Variants in MCTP1 observed in about 807,000 individuals in gnomAD.
The protein encoded by MCTP1 is multiple C2 and transmembrane domain-containing protein 1.
MCTP1 carries 69 observed loss-of-function variants against 120.6 expected under a neutral mutation model. The ratio of observed to expected loss-of-function variants is 0.57; its 90% CI spans 0.47 to 0.70. The LOEUF is 0.70. MCTP1 is among the 30% of genes least tolerant of loss of function. MCTP1 has a pLI of 0.00. For synonymous variants in MCTP1, 529 were observed against 493.1 expected (o/e 1.07, Z -0.96); for missense variants, 1,203 against 1,248.8 (o/e 0.96, Z 0.55).
At chr5:95,086,348 G>A (rs1368773064) in intron 1 of MCTP1, among the ~76,000 whole-genome samples, 1 of 152,134 alleles carries the variant, frequency 6.6e-6, no homozygotes, top group Non-Finnish European at 1.5e-5. Context: ...CTTGGAGGCA[G>A]ACTGATGATG....
intron 1 of MCTP1, among the ~76,000 whole-genome samples, chr5:95,240,165 T>C (rs532114425): frequency 1.3e-5 from 2 of 152,222 alleles, no homozygotes; most frequent in Non-Finnish European, 2.9e-5. Context: ...AATCAGTATC[T>C]CTTAATGTTT....
chr5:95,064,044 G>A (rs1329090820), intron 1 of MCTP1, among the ~76,000 whole-genome samples: 1 of 152,202 alleles, frequency 6.6e-6, no homozygotes, highest in Non-Finnish European at 1.5e-5. Flanking sequence ...ACCTGCTTTA[G>A]CACTAAATGC....
chr5:94,837,125 C>T (rs1019246675), intron 17 of MCTP1, among the ~76,000 whole-genome samples: 11 of 152,256 alleles, frequency 7.2e-5, no homozygotes, highest in African/African-American at 2.6e-4. Context: ...CACCTGTAAT[C>T]CCAGCACTTT....
intron 19 of MCTP1, among the ~76,000 whole-genome samples, chr5:94,734,620 C>T (rs1052513783): frequency 2.0e-5 from 3 of 152,050 alleles, no homozygotes; most frequent in East Asian, 3.9e-4. Flanking sequence ...CTACACCTGG[C>T]GAATTTTTGT....
At chr5:95,003,395 T>C (rs1429815974) in intron 2 of MCTP1, among the ~76,000 whole-genome samples, 2 of 152,352 alleles carry the variant, frequency 1.3e-5, no homozygotes, top group African/African-American at 2.4e-5. Context: ...GGCTATAGCA[T>C]ATAGCTTTGG....
intron 19 of MCTP1, among the ~76,000 whole-genome samples, chr5:94,773,133 C>G (rs553802098): frequency 1.3e-5 from 2 of 152,266 alleles, no homozygotes; most frequent in East Asian, 1.9e-4. Flanking sequence ...GATTTTTAAT[C>G]TTATTATTTG....
chr5:95,233,933 GA>G (rs1755247376), intron 1 of MCTP1, among the ~76,000 whole-genome samples: 1 of 151,430 alleles, frequency 6.6e-6, no homozygotes, highest in African/African-American at 2.4e-5. Flanking sequence ...AAACAGTGGG[GA>G]AAGTCAATGA....
rs1033740731 is a variant in MCTP1 at position 95,071,536 on chromosome 5, C to T, written c.721-54052G>A. On this transcript the variant is annotated intron_variant, in intron 1 of 22. Coordinates refer to ENST00000515393, the MANE Select transcript of MCTP1 (RefSeq NM_024717.7). ...TATAATATTCTACTTTTACTGATGTCCCTCAGTATAGCTTATAATTTGATA... is the reference window on the plus strand; with the variant it reads ...TATAATATTCTACTTTTACTGATGTTCCTCAGTATAGCTTATAATTTGATA... Among the ~76,000 whole-genome samples, 80 of 152,088 alleles carry T rather than the reference C, an allele frequency of 5.3e-4. 1 individual carries two copies. Among genetic ancestry groups the T allele is most frequent in the Admixed American group, 5.2e-3 (80 of 15,282 alleles).
chr5:94,901,314 C>T (rs1011111139), intron 10 of MCTP1, among the ~76,000 whole-genome samples: 2 of 152,106 alleles, frequency 1.3e-5, no homozygotes, highest in African/African-American at 4.8e-5. Flanking sequence ...AAAGACCCAC[C>T]CCATGATTCA....
intron 21 of MCTP1, 157 bp from the exon 22 acceptor site, chr5:94,708,766 C>G (rs1755639658): frequency 3.6e-6 from 2 of 553,904 alleles, no homozygotes; most frequent in Non-Finnish European, 6.5e-6. Flanking sequence ...CTTTCCAGCT[C>G]AACTGCTTTT....
chr5:94,773,218 T>C (rs17331955), intron 19 of MCTP1, among the ~76,000 whole-genome samples: 10,025 of 152,158 alleles, frequency 0.066, 417 homozygotes, highest in Non-Finnish European at 0.097. Context: ...CAGATCAGAA[T>C]AGATAATAAG....
chr5:94,715,496 C>T (rs148973782), intron 19 of MCTP1, among the ~76,000 whole-genome samples: 226 of 151,446 alleles, frequency 1.5e-3, no homozygotes, highest in Admixed American at 3.5e-3. Flanking sequence ...ATATTTTATA[C>T]GGTAGTATAT....
intron 1 of MCTP1, among the ~76,000 whole-genome samples, chr5:95,253,949 T>C (rs1757627881): frequency 6.6e-6 from 1 of 152,138 alleles, no homozygotes; most frequent in Admixed American, 6.6e-5. Context: ...AACTTTTTAT[T>C]CAGCCAGCAA....
At chr5:94,924,126 A>G (rs1227194513) in intron 6 of MCTP1, 105 bp from the exon 7 acceptor site, 1 of 610,848 alleles carries the variant, frequency 1.6e-6, no homozygotes, top group Admixed American at 3.8e-5. Context: ...ATCGAAAATT[A>G]TATATCCTAA....
At chr5:95,081,426 CT>C (rs1754907067) in intron 1 of MCTP1, 2 of 1,611,038 alleles carry the variant, frequency 1.2e-6, no homozygotes, top group Admixed American at 1.7e-5. Context: ...TGTTACTTAC[CT>C]TATTACAAAT....
intron 5 of MCTP1, among the ~76,000 whole-genome samples, chr5:94,938,897 T>C (rs1450931970): frequency 1.3e-5 from 2 of 152,078 alleles, no homozygotes; most frequent in Non-Finnish European, 2.9e-5. Context: ...TTTGTAAAAA[T>C]TGTTTCTCAC....
chr5:94,831,894 G>A (rs1788588689), intron 17 of MCTP1, among the ~76,000 whole-genome samples: 1 of 151,914 alleles, frequency 6.6e-6, no homozygotes, highest in African/African-American at 2.4e-5. Flanking sequence ...TTTAGTTCTT[G>A]CAATAACAAT....
intron 1 of MCTP1, among the ~76,000 whole-genome samples, chr5:95,128,982 GA>G (rs1758833623): frequency 6.6e-6 from 1 of 151,960 alleles, no homozygotes; most frequent in Non-Finnish European, 1.5e-5. Flanking sequence ...AAGAGACAAA[GA>G]AAAAAATAAC....
In MCTP1 at chr5:94,963,474, CTT is replaced by C. The variant is rs70978150; in HGVS notation, c.839-10115_839-10114del. Among the ~76,000 whole-genome samples the C allele has an allele frequency of 6.2e-3, 876 of 141,838 alleles. 9 individuals are homozygous for C. Among genetic ancestry groups the C allele is most frequent in the African/African-American group, 0.021 (830 of 39,016 alleles). 93.1% of individuals were successfully genotyped at this position (141,838 alleles called of 152,430 possible). On this transcript the variant is annotated intron_variant, in intron 2 of 22. Coordinates refer to ENST00000515393, the MANE Select transcript of MCTP1 (RefSeq NM_024717.7). ...CCAGATCCTGTCCAACACTTGTTTTCTTTTTTTTTTTTTAATAATAGCCACCC... is the reference window on the plus strand; with the variant it reads ...CCAGATCCTGTCCAACACTTGTTTTCTTTTTTTTTTTAATAATAGCCACCC...
Sources: allele counts gnomAD v4.1 joint callset (sites outside exome capture counted in the v4.1 genomes callset), GRCh38; gene constraint gnomAD v4.1.1; transcripts MANE v1.5; gene names NCBI Gene and HGNC (gene_info 2026-07-23, HGNC 2026-07-21).